Variants in AMMECR1L observed in about 807,000 individuals in gnomAD.
AMMECR1L encodes AMMECR1-like protein.
A neutral mutation model predicts 36.8 loss-of-function variants in AMMECR1L; 4 were observed. That is an observed-to-expected ratio of 0.11 (90% confidence interval 0.05 to 0.25). The LOEUF is 0.25. Ranked by LOEUF, AMMECR1L falls within the 10% of genes least tolerant of loss-of-function variation. The probability of loss-of-function intolerance (pLI) is 1.00; values close to 1 mark genes in which losing one functional copy is unlikely to be tolerated. For missense variants in AMMECR1L, 232 were observed against 392.1 expected (o/e 0.59, Z 3.45); for synonymous variants, 147 against 148.0 (o/e 0.99, Z 0.05).
rs944572340 is a variant in AMMECR1L, at chr2:127,864,044, T to C, written c.*1050A>G. ...GTAAAGGACAGAAACACCAACAGTC[T>C]TCCCACCTCTACAGGCAAACTAGAA... On this transcript the variant is annotated 3_prime_UTR_variant, in exon 8 of 8. Transcript: ENST00000272647. 4 of 152,612 alleles carry C rather than the reference T, an allele frequency of 2.6e-5. No individual in the cohort carries two copies. Among genetic ancestry groups the C allele is most frequent in the African/African-American group, 9.6e-5 (4 of 41,458 alleles). 9.5% of individuals were successfully genotyped at this position (152,612 alleles called of 1,614,324 possible). A position where few individuals can be genotyped will look rare whatever the true frequency, so the allele number is the denominator to read the frequency against.
Position 127,865,321 on chromosome 2 carries a change from C to A in AMMECR1L, c.822-116G>T. 3.4e-6 allele frequency: 2 copies of A among 581,918 alleles called. No homozygotes were observed. The highest frequency in any genetic ancestry group is 5.9e-6 in the Non-Finnish European group (2 of 337,008). 36.0% of individuals were successfully genotyped at this position (581,918 alleles called of 1,614,324 possible). On this transcript the variant is annotated intron_variant, in intron 7 of 7. Transcript: ENST00000272647. The surrounding 1 kb of genome is among the most constrained non-coding windows in gnomAD (Gnocchi z 5.4). ...CATTTTGAAAGAATAAAATGGAAGA[C>A]CAAGAGCAATCTTACTTACAGAAAA...
rs376532930 is a variant in AMMECR1L at position 127,866,914 on chromosome 2, C to G, written c.807G>C (p.Thr269=). The G allele has an allele frequency of 1.2e-6, 2 of 1,614,138 alleles. No individual in the cohort carries two copies. The highest frequency in any genetic ancestry group is 1.7e-6 in the Non-Finnish European group (2 of 1,179,966). The change falls in exon 7 of 8, where the codon ACG becomes ACC. Residue 269 remains threonine (T), a synonymous_variant. Transcript: ENST00000272647. ...CAATGGCTTACCTGGTGAGTTTGAT[C>G]GTTTTTCTGAATTCACTGGTAATTG... ...KAPITSEFRK[T]IKLTRYRSEK... is the part of the protein sequence containing the mutation.
Position 127,885,521 on chromosome 2 carries a change from C to A in AMMECR1L, c.-149+289G>T, listed in dbSNP as rs968028117. 8 of 984,296 alleles carry A rather than the reference C, an allele frequency of 8.1e-6. No homozygotes were observed. In the African/African-American group the frequency reaches 1.4e-4, roughly 17 times the overall value. 61.0% of individuals were successfully genotyped at this position (984,296 alleles called of 1,614,324 possible). A position where few individuals can be genotyped will look rare whatever the true frequency, so the allele number is the denominator to read the frequency against. ...TCCTGGAGGGAGTGCAGACAAGGACCAGGAGCGGGAGCCGAGCCTCGCGGC... is the reference window on the plus strand; with the variant it reads ...TCCTGGAGGGAGTGCAGACAAGGACAAGGAGCGGGAGCCGAGCCTCGCGGC... On this transcript the variant is annotated intron_variant, in intron 1 of 7. Coordinates refer to ENST00000272647, the MANE Select transcript of AMMECR1L (RefSeq NM_001199140.2).
chr2:127,867,244 C>T (rs949676915), intron 6 of AMMECR1L: 13 of 985,350 alleles, frequency 1.3e-5, no homozygotes, highest in African/African-American at 3.5e-5. Flanking sequence ...CCTGCTCCTG[C>T]GTCCTTCCTG....
chr2:127,877,721 ACTG>A (rs1402731625), intron 2 of AMMECR1L, among the ~76,000 whole-genome samples: 3 of 152,080 alleles, frequency 2.0e-5, no homozygotes, highest in Non-Finnish European at 4.4e-5. Context: ...AATAATATCC[ACTG>A]GATTCAGTCT....
chr2:127,876,249 C>T (rs1469883527), intron 2 of AMMECR1L, among the ~76,000 whole-genome samples: 1 of 150,822 alleles, frequency 6.6e-6, no homozygotes, highest in East Asian at 2.0e-4. Flanking sequence ...ACTTGGGAGG[C>T]TAAGGAGCGA....
chr2:127,872,541 A>C (rs1425033454), intron 3 of AMMECR1L, among the ~76,000 whole-genome samples: 2 of 152,118 alleles, frequency 1.3e-5, no homozygotes, highest in Non-Finnish European at 2.9e-5. Flanking sequence ...GAGGCAACTT[A>C]AGTTTTCAAA....
At chr2:127,870,008 C>T (rs1322003403) in intron 5 of AMMECR1L, among the ~76,000 whole-genome samples, 2 of 152,172 alleles carry the variant, frequency 1.3e-5, no homozygotes, top group African/African-American at 4.8e-5. Flanking sequence ...CATGGTGAAA[C>T]CCTGTCTCTA....
chr2:127,869,877 T>C lies in AMMECR1L; in HGVS notation c.634-333A>G, dbSNP rs1159571209. Among the ~76,000 whole-genome samples, 2 of 152,254 alleles carry C rather than the reference T, an allele frequency of 1.3e-5. No individual in the cohort carries two copies. The highest frequency in any genetic ancestry group is 4.8e-5 in the African/African-American group (2 of 41,468). On this transcript the variant is annotated intron_variant, in intron 5 of 7. Coordinates refer to ENST00000272647, the MANE Select transcript of AMMECR1L (RefSeq NM_001199140.2). This position sits in a 1 kb window ranked among gnomAD's most constrained non-coding sequence, Gnocchi z 4.7. Reference sequence around the variant, plus strand: ...GCCACAAGGTTTTTATCTGGGGTCATGATCCTTCACATCTGATTCCTAATA... The same window carrying C: ...GCCACAAGGTTTTTATCTGGGGTCACGATCCTTCACATCTGATTCCTAATA...
chr2:127,878,972 C>T (rs1241416889), intron 2 of AMMECR1L, among the ~76,000 whole-genome samples: 1 of 152,158 alleles, frequency 6.6e-6, no homozygotes, highest in African/African-American at 2.4e-5. Flanking sequence ...ATAGTATACT[C>T]CACAAATAGT....
At chr2:127,885,070 G>C (rs1472832167) in intron 1 of AMMECR1L, 1 of 774,532 alleles carries the variant, frequency 1.3e-6, no homozygotes, top group Non-Finnish European at 1.6e-6. Context: ...AAGGAGTGAA[G>C]GGCACAACCC....
At chr2:127,884,467 C>T (rs561389106) in intron 1 of AMMECR1L, among the ~76,000 whole-genome samples, 155 bp from the exon 2 acceptor site, 18 of 152,254 alleles carry the variant, frequency 1.2e-4, no homozygotes, top group Middle Eastern at 3.4e-3. Context: ...ATTTCAAAAC[C>T]TTGCAAACTC....
Position 127,871,236 on chromosome 2 carries a change from C to T in AMMECR1L, c.518+13G>A. On this transcript the variant is annotated intron_variant, in intron 4 of 7. Transcript: ENST00000272647. The surrounding 1 kb of genome is among the most constrained non-coding windows in gnomAD (Gnocchi z 4.3). ...CCAATTTATCTACAGTTCTTAATGT[C>T]TGGTGTCATTACCTGGTTAACGTGT... 1 of 1,612,716 alleles carries T rather than the reference C, an allele frequency of 6.2e-7. No individual in the cohort carries two copies. The highest frequency in any genetic ancestry group is 8.5e-7 in the Non-Finnish European group (1 of 1,178,896).
intron 3 of AMMECR1L, among the ~76,000 whole-genome samples, chr2:127,872,162 C>T (rs1252179631): frequency 6.7e-6 from 1 of 148,582 alleles, no homozygotes; most frequent in Non-Finnish European, 1.5e-5. Flanking sequence ...GCACTCCAGC[C>T]TCGACAAGAC....
chr2:127,883,128 C>T (rs896580080), intron 2 of AMMECR1L, among the ~76,000 whole-genome samples: 6 of 148,148 alleles, frequency 4.1e-5, no homozygotes, highest in African/African-American at 7.6e-5. Flanking sequence ...GACAGAGTCT[C>T]GCTCTGTCGT....
chr2:127,868,697 C>T (rs1204638116), intron 6 of AMMECR1L, among the ~76,000 whole-genome samples: 1 of 152,054 alleles, frequency 6.6e-6, no homozygotes, highest in African/African-American at 2.4e-5. Flanking sequence ...CTACCTTTAA[C>T]GTCCCCATCA....
chr2:127,878,715 C>T lies in AMMECR1L; in HGVS notation c.-38-4443G>A, dbSNP rs188932817. The stretch of plus-strand genomic sequence containing the variant: ...TTTTACACAGTTGTGTTTACAGTTC[C>T]CCAACATCTTCCAACTATGATTTGC... On this transcript the variant is annotated intron_variant, in intron 2 of 7. Transcript: ENST00000272647. Among the ~76,000 whole-genome samples, 629 of 152,282 alleles carry T rather than the reference C, an allele frequency of 4.1e-3. 5 individuals are homozygous for T. Among genetic ancestry groups the T allele is most frequent in the Non-Finnish European group, 5.4e-3 (369 of 68,030 alleles).
At position 127,863,700 on chromosome 2, in the gene AMMECR1L, T is replaced by C. The variant is rs1690561674; in HGVS notation, c.*1394A>G. 1 of 152,686 alleles carries C rather than the reference T, an allele frequency of 6.5e-6. No homozygotes were observed. The highest frequency in any genetic ancestry group is 6.5e-5 in the Admixed American group (1 of 15,284). The allele number at this position is 152,686 out of a possible 1,614,324, so 9.5% of individuals were successfully genotyped here. ...CAGTGTCACATCCTTAGGATCCTTC[T>C]TCCAACTGGCCACTCTCCCTGTGAA... On this transcript the variant is annotated 3_prime_UTR_variant, in exon 8 of 8. Transcript: ENST00000272647.
intron 1 of AMMECR1L, chr2:127,885,173 G>C: frequency 1.0e-6 from 1 of 985,276 alleles, no homozygotes; most frequent in Non-Finnish European, 1.2e-6. Flanking sequence ...GAGGGCCCAA[G>C]AGTAGGGGTG....
Sources: allele counts gnomAD v4.1 joint callset (sites outside exome capture counted in the v4.1 genomes callset), GRCh38; gene constraint gnomAD v4.1.1; non-coding constraint Gnocchi (gnomAD v3.1); transcripts MANE v1.5; gene names NCBI Gene and HGNC (gene_info 2026-07-23, HGNC 2026-07-21).